Variants in SEMA5A observed in about 807,000 individuals in gnomAD.
The protein encoded by SEMA5A is semaphorin-5A.
Under a neutral mutation model 135.5 loss-of-function variants are expected in SEMA5A, and 55 were observed. The observed-to-expected ratio is 0.41, with a 90% CI of 0.33 to 0.51. The LOEUF (loss-of-function observed/expected upper bound fraction) is 0.51. SEMA5A is among the 20% of genes least tolerant of loss of function. SEMA5A has a pLI of 0.37. For synonymous variants in SEMA5A, 580 were observed against 546.5 expected, an observed-to-expected ratio of 1.06 and a Z score of -0.85; for missense variants, 1,290 against 1,419.9, an observed-to-expected ratio of 0.91 and a Z score of 1.47.
chr5:9,154,492 G>C lies in SEMA5A; in HGVS notation c.1477C>G (p.Arg493Gly), dbSNP rs149803731. ...CTGACCCCGGAGATGCCCTACCTGC[G>C]TGTGCGGTAGAACTGGCACCTCTTC... ...PLKRCQFYRTRSTCIGAQDPY... is the reference protein window; with the variant it reads ...PLKRCQFYRTGSTCIGAQDPY... Residue 493 changes from arginine to glycine, a missense_variant, in exon 12 of 23, where the codon CGC becomes GGC. Physicochemically the swap from Arg to Gly is moderately radical, Grantham distance 125 (BLOSUM62 -2). This residue lies in a region of SEMA5A where 1,029 missense variants were observed against 1,086.6 expected (regional missense o/e 0.95). Coordinates refer to ENST00000382496, the MANE Select transcript of SEMA5A (RefSeq NM_003966.3). 3.1e-6 allele frequency: 5 copies of C among 1,611,672 alleles called. No individual in the cohort carries two copies. Among genetic ancestry groups the C allele is most frequent in the South Asian group, 2.2e-5 (2 of 90,984 alleles).
chr5:9,188,293 G>A (rs1008756290), intron 11 of SEMA5A, among the ~76,000 whole-genome samples: 1 of 152,194 alleles, frequency 6.6e-6, no homozygotes, highest in Non-Finnish European at 1.5e-5. Context: ...TCAGAACCAT[G>A]AGAAATAAAT....
At chr5:9,168,190 C>T (rs114679767) in intron 11 of SEMA5A, among the ~76,000 whole-genome samples, 1,955 of 152,192 alleles carry the variant, frequency 0.013, 51 homozygotes, top group African/African-American at 0.045. Context: ...GGTTCCCAAG[C>T]TTTATGACTA....
chr5:9,236,089 A>T (rs559327530), intron 6 of SEMA5A, among the ~76,000 whole-genome samples: 8 of 152,106 alleles, frequency 5.3e-5, no homozygotes, highest in Non-Finnish European at 1.0e-4. Context: ...GGGAAGCCCC[A>T]CCCCCACAAT....
chr5:9,333,090 T>C (rs1412794188), intron 4 of SEMA5A, among the ~76,000 whole-genome samples: 2 of 152,142 alleles, frequency 1.3e-5, no homozygotes, highest in Admixed American at 1.3e-4. Context: ...TGGATGAAAA[T>C]AACTTAAAGA....
At chr5:9,351,380 T>C (rs930845638) in intron 3 of SEMA5A, among the ~76,000 whole-genome samples, 1 of 152,200 alleles carries the variant, frequency 6.6e-6, no homozygotes, top group African/African-American at 2.4e-5. Context: ...TTGTAATAGA[T>C]ATGTGGCTAG....
chr5:9,174,172 C>CA (rs752045167), intron 11 of SEMA5A, among the ~76,000 whole-genome samples: 1 of 152,182 alleles, frequency 6.6e-6, no homozygotes, highest in Non-Finnish European at 1.5e-5. Flanking sequence ...TGGCCATTGT[C>CA]AATAATTGCA....
chr5:9,423,567 T>A (rs1454883420), intron 2 of SEMA5A, among the ~76,000 whole-genome samples: 3 of 152,264 alleles, frequency 2.0e-5, no homozygotes, highest in African/African-American at 7.2e-5. Flanking sequence ...TTTCACTAAC[T>A]GTGAGAAATG....
chr5:9,242,044 T>C (rs1380777376), intron 5 of SEMA5A, among the ~76,000 whole-genome samples: 1 of 152,214 alleles, frequency 6.6e-6, no homozygotes. Flanking sequence ...GGCTTTCTTT[T>C]TTCATATGTT....
chr5:9,381,434 C>T (rs1755603265), intron 2 of SEMA5A, among the ~76,000 whole-genome samples: 1 of 152,176 alleles, frequency 6.6e-6, no homozygotes, highest in South Asian at 2.1e-4. Flanking sequence ...TCTGGGTTGG[C>T]TCAGTGACTG....
In SEMA5A at chr5:9,093,670, G is replaced by C. The variant is rs1739160785; in HGVS notation, c.2073+14470C>G. 2.0e-5 allele frequency among the ~76,000 whole-genome samples: 3 copies of C among 151,564 alleles called. No homozygotes were observed. The South Asian group carries it at 6.3e-4, about 32-fold the overall frequency. On this transcript the variant is annotated intron_variant, in intron 16 of 22. Transcript: ENST00000382496. ...TGCAGTGAACTGAGATTCAGCCTGG[G>C]TGACAGAGTGAGACTCTGTCTCAAA... is the stretch of plus-strand genomic sequence containing the variant.
intron 2 of SEMA5A, among the ~76,000 whole-genome samples, chr5:9,401,589 C>T (rs1756664638): frequency 6.6e-6 from 1 of 152,212 alleles, no homozygotes; most frequent in African/African-American, 2.4e-5. Context: ...GTGGGACGTG[C>T]TGTCAAAACA....
chr5:9,090,279 C>T (rs886471943), intron 16 of SEMA5A, among the ~76,000 whole-genome samples: 6 of 152,162 alleles, frequency 3.9e-5, no homozygotes, highest in Non-Finnish European at 7.4e-5. Context: ...TTCTAATTCT[C>T]AGGCCCAACT....
chr5:9,197,063 A>C lies in SEMA5A; in HGVS notation c.1068+105T>G, dbSNP rs967396223. 3.4e-6 allele frequency: 5 copies of C among 1,474,580 alleles called. No homozygotes were observed. The East Asian group carries it at 9.1e-5, about 27-fold the overall frequency. 91.3% of individuals were successfully genotyped at this position (1,474,580 alleles called of 1,614,324 possible). A position where few individuals can be genotyped will look rare whatever the true frequency, so the allele number is the denominator to read the frequency against. On this transcript the variant is annotated intron_variant, in intron 10 of 22. Coordinates refer to ENST00000382496, the MANE Select transcript of SEMA5A (RefSeq NM_003966.3). The stretch of plus-strand genomic sequence containing the variant: ...CATGAGGGGCCAGGGAGACAGCTGC[A>C]TGGTGCATGCACCCGCGGTTTAAAT...
At chr5:9,285,893 T>A (rs1358674838) in intron 5 of SEMA5A, among the ~76,000 whole-genome samples, 5 of 152,180 alleles carry the variant, frequency 3.3e-5, no homozygotes. Context: ...CGCAGAAAAA[T>A]AGATTTATAA....
At chr5:9,122,880 C>A (rs547169742) in intron 13 of SEMA5A, 43 bp from the exon 14 acceptor site, 3 of 1,499,788 alleles carry the variant, frequency 2.0e-6, no homozygotes, top group East Asian at 4.7e-5. Context: ...AAGGTTAAAG[C>A]TGAACACATA....
chr5:9,047,783 TA>T (rs552138663), intron 21 of SEMA5A, among the ~76,000 whole-genome samples: 118 of 150,562 alleles, frequency 7.8e-4, no homozygotes, highest in Middle Eastern at 3.5e-3. Flanking sequence ...CCTGAAGATC[TA>T]AAAAAAAAAT....
In SEMA5A at chr5:9,041,549, G is replaced by T. The variant is rs1485065696; in HGVS notation, c.*1348C>A. On this transcript the variant is annotated 3_prime_UTR_variant, in exon 23 of 23. Coordinates refer to ENST00000382496, the MANE Select transcript of SEMA5A (RefSeq NM_003966.3). The stretch of plus-strand genomic sequence containing the variant: ...TCTTAAATGCTTATCGATGATCAGT[G>T]AAGAGACCACAGGGATCCCAAAAAC... 2 of 152,216 alleles carry T rather than the reference G, an allele frequency of 1.3e-5. No homozygotes were observed. Among genetic ancestry groups the T allele is most frequent in the Admixed American group, 6.5e-5 (1 of 15,286 alleles). 9.4% of individuals were successfully genotyped at this position (152,216 alleles called of 1,614,324 possible). A position where few individuals can be genotyped will look rare whatever the true frequency, so the allele number is the denominator to read the frequency against.
intron 5 of SEMA5A, among the ~76,000 whole-genome samples, chr5:9,241,091 G>A (rs1243872263): frequency 6.6e-6 from 1 of 152,050 alleles, no homozygotes; most frequent in African/African-American, 2.4e-5. Context: ...ACATATAGCA[G>A]TAATATTGTG....
Position 9,197,171 on chromosome 5 carries a change from G to A in SEMA5A, c.1065C>T (p.Phe355=). Residue 355 remains phenylalanine, a synonymous_variant, in exon 10 of 23, where the codon TTC becomes TTT. Coordinates refer to ENST00000382496, the MANE Select transcript of SEMA5A (RefSeq NM_003966.3). ...CCCTTTGCCCCCCGAAAATTACCTG[G>A]AAGTGGGGGTTTGGGTTGGGATACG... is the stretch of plus-strand genomic sequence containing the variant. ...WLPYPNPNPH[F]QCGTVDQGLY... 6.2e-7 allele frequency: 1 copy of A among 1,614,206 alleles called. No homozygotes were observed. Among genetic ancestry groups the A allele is most frequent in the Non-Finnish European group, 8.5e-7 (1 of 1,180,024 alleles).
Sources: gnomAD v4.1 joint callset for allele counts (sites outside exome capture counted in the v4.1 genomes callset) on GRCh38, gnomAD v4.1.1 for gene constraint, gnomAD v4.1.1 regional missense constraint, MANE v1.5 for transcripts, NCBI Gene and HGNC (gene_info 2026-07-23, HGNC 2026-07-21) for gene names.